Variants in NAV2 observed in about 807,000 individuals in gnomAD.
NAV2 encodes neuron navigator 2, also known as helicase, APC down-regulated 1.
In NAV2, 54 loss-of-function variants were observed where a neutral mutation model predicts 223.2. The observed-to-expected ratio is 0.24, with a 90% CI of 0.19 to 0.30. The LOEUF (loss-of-function observed/expected upper bound fraction) is 0.30, where lower values mean the gene tolerates loss of function less well. Ranked by LOEUF, NAV2 falls within the 10% of genes least tolerant of loss-of-function variation. The pLI is 1.00. For missense variants in NAV2, 2,806 were observed against 3,147.5 expected, an observed-to-expected ratio of 0.89 and a Z score of 2.60; for synonymous variants, 1,279 against 1,239.3, an observed-to-expected ratio of 1.03 and a Z score of -0.67.
intron 1 of NAV2, among the ~76,000 whole-genome samples, chr11:19,377,486 T>A (rs1262900209): frequency 6.6e-6 from 1 of 152,190 alleles, no homozygotes; most frequent in African/African-American, 2.4e-5. Context: ...TCCCCCTCGC[T>A]GTGTTTGGAT....
intron 36 of NAV2, among the ~76,000 whole-genome samples, chr11:20,109,658 G>A (rs1034989188): frequency 6.6e-6 from 1 of 152,208 alleles, no homozygotes; most frequent in Non-Finnish European, 1.5e-5. Flanking sequence ...GGAAACCCAA[G>A]CTGCTTAAGA....
intron 1 of NAV2, among the ~76,000 whole-genome samples, chr11:19,467,412 G>T: frequency 6.6e-6 from 1 of 152,106 alleles, no homozygotes; most frequent in East Asian, 1.9e-4. Flanking sequence ...CCATAGAGAA[G>T]ATTTTTAGAA....
intron 11 of NAV2, among the ~76,000 whole-genome samples, chr11:20,005,064 C>A (rs2250324): frequency 6.6e-6 from 1 of 152,076 alleles, no homozygotes; most frequent in South Asian, 2.1e-4. Context: ...AGAGCAGGAA[C>A]GGAAGTGTCT....
intron 20 of NAV2, among the ~76,000 whole-genome samples, chr11:20,065,877 G>A (rs2059015738): frequency 6.6e-6 from 1 of 152,158 alleles, no homozygotes; most frequent in African/African-American, 2.4e-5. Context: ...TTGAACTTGG[G>A]GCTTATTTCT....
chr11:19,744,998 C>T (rs2053219085), intron 1 of NAV2, among the ~76,000 whole-genome samples: 1 of 152,202 alleles, frequency 6.6e-6, no homozygotes, highest in African/African-American at 2.4e-5. Context: ...CTCCTGAAAG[C>T]ATAATTATTG....
intron 1 of NAV2, among the ~76,000 whole-genome samples, chr11:19,453,759 C>T (rs575116605): frequency 3.9e-5 from 6 of 152,306 alleles, no homozygotes; most frequent in South Asian, 2.1e-4. Flanking sequence ...CTAAACCCTT[C>T]GCTGATAAAT....
intron 4 of NAV2, among the ~76,000 whole-genome samples, chr11:19,870,512 G>T (rs2062412811): frequency 6.6e-6 from 1 of 152,114 alleles, no homozygotes. Context: ...GCTTCATCCT[G>T]CCTGGCTGGT....
intron 14 of NAV2, among the ~76,000 whole-genome samples, chr11:20,046,755 G>C (rs1038292011): frequency 1.1e-4 from 16 of 152,060 alleles, no homozygotes; most frequent in African/African-American, 3.9e-4. Flanking sequence ...CTTGTTTAAA[G>C]TTTCTTTTAA....
intron 2 of NAV2, among the ~76,000 whole-genome samples, chr11:19,838,875 C>T (rs751013167): frequency 3.9e-5 from 6 of 152,218 alleles, no homozygotes; most frequent in Non-Finnish European, 8.8e-5. Context: ...CTGCCCACCT[C>T]GGCCTCCCAA....
At chr11:19,490,857 G>A (rs929565379) in intron 1 of NAV2, among the ~76,000 whole-genome samples, 1 of 152,128 alleles carries the variant, frequency 6.6e-6, no homozygotes, top group African/African-American at 2.4e-5. Context: ...CTTTTGAAAT[G>A]TATTTTTGAA....
rs2045533014 is a variant in NAV2, at chr11:19,933,058, T to C, written c.932-118T>C. On this transcript the variant is annotated intron_variant, in intron 6 of 37. Coordinates refer to ENST00000349880, the MANE Select transcript of NAV2 (RefSeq NM_145117.5). The surrounding 1 kb of genome is among the most constrained non-coding windows in gnomAD (Gnocchi z 4.3). The stretch of plus-strand genomic sequence containing the variant: ...CACAGATAATCCACAAAGTGGGCAA[T>C]GGAGCTATACGGCATTTGGGTTGGG... 1 of 1,226,440 alleles carries C rather than the reference T, an allele frequency of 8.2e-7. No individual in the cohort carries two copies. Among genetic ancestry groups the C allele is most frequent in the Non-Finnish European group, 1.1e-6 (1 of 921,266 alleles). 76.0% of individuals were successfully genotyped at this position (1,226,440 alleles called of 1,614,324 possible). A position where few individuals can be genotyped will look rare whatever the true frequency, so the allele number is the denominator to read the frequency against.
At chr11:19,890,665 C>G (rs189519213) in intron 5 of NAV2, among the ~76,000 whole-genome samples, 59 of 152,320 alleles carry the variant, frequency 3.9e-4, no homozygotes, top group African/African-American at 1.3e-3. Context: ...TCTTCACCTG[C>G]AGAAGCTCTT....
In NAV2 at chr11:19,777,030, C is replaced by G. The variant is rs1590440137; in HGVS notation, c.268-55454C>G. ...GGCAGTGGCGAAGGGCCCACTGAAG[C>G]GCCGGGTGCCACGCGGGGCGGCCCG... On this transcript the variant is annotated intron_variant, in intron 1 of 37. Transcript: ENST00000349880. Among the ~76,000 whole-genome samples, 3 of 151,914 alleles carry G rather than the reference C, an allele frequency of 2.0e-5. No homozygotes were observed. In the South Asian group the frequency reaches 6.2e-4, roughly 31 times the overall value.
intron 1 of NAV2, among the ~76,000 whole-genome samples, chr11:19,370,876 T>G (rs1848446039): frequency 6.6e-6 from 1 of 152,226 alleles, no homozygotes. Flanking sequence ...TCTCCAATTC[T>G]GAATTTTGGG....
chr11:19,800,631 G>A (rs765737284), intron 1 of NAV2, among the ~76,000 whole-genome samples: 1 of 151,774 alleles, frequency 6.6e-6, no homozygotes, highest in Admixed American at 6.6e-5. Flanking sequence ...ATAGCTTGGC[G>A]ATTATTTGCT....
intron 1 of NAV2, among the ~76,000 whole-genome samples, chr11:19,402,340 A>G (rs956604643): frequency 1.3e-5 from 2 of 152,180 alleles, no homozygotes; most frequent in Admixed American, 1.3e-4. Context: ...AGCACCCACT[A>G]CATAGAGTCG....
At chr11:20,095,639 G>A in intron 29 of NAV2, 33 bp from the exon 30 acceptor site, 7 of 1,502,434 alleles carry the variant, frequency 4.7e-6, no homozygotes, top group African/African-American at 1.4e-5. Flanking sequence ...AGATCCACCT[G>A]TTTTTCACCT....
At chr11:19,536,870 A>G (rs2044204938) in intron 1 of NAV2, among the ~76,000 whole-genome samples, 2 of 152,244 alleles carry the variant, frequency 1.3e-5, no homozygotes, top group African/African-American at 4.8e-5. Context: ...CTACTTGATC[A>G]TAGTCAGACT....
intron 1 of NAV2, among the ~76,000 whole-genome samples, chr11:19,698,988 C>T (rs1303767776): frequency 6.6e-6 from 1 of 152,206 alleles, no homozygotes; most frequent in Non-Finnish European, 1.5e-5. Context: ...CTGCTAGCTA[C>T]TTTTGCAGTT....
Sources: gnomAD v4.1 joint callset for allele counts (sites outside exome capture counted in the v4.1 genomes callset) on GRCh38, gnomAD v4.1.1 for gene constraint, Gnocchi (gnomAD v3.1) non-coding constraint, MANE v1.5 for transcripts, NCBI Gene and HGNC (gene_info 2026-07-23, HGNC 2026-07-21) for gene names.